GRM5: variants seen among roughly 807,000 people sequenced by gnomAD.
The protein encoded by GRM5 is glutamate metabotropic receptor 5.
A neutral mutation model predicts 83.1 loss-of-function variants in GRM5; 19 were observed. The observed-to-expected ratio is 0.23, with a 90% CI of 0.16 to 0.34. The LOEUF (loss-of-function observed/expected upper bound fraction) is 0.34. Ranked by LOEUF, GRM5 falls within the 10% of genes least tolerant of loss-of-function variation. The pLI is 1.00. For missense variants in GRM5, 1,160 were observed against 1,588.3 expected (o/e 0.73, Z 4.58); for synonymous variants, 675 against 633.6 (o/e 1.07, Z -0.98).
chr11:88,836,439 G>A (rs191719478), intron 3 of GRM5, among the ~76,000 whole-genome samples: 1,521 of 152,024 alleles, frequency 0.01, 30 homozygotes, highest in African/African-American at 0.035. Flanking sequence ...ATATAAATCT[G>A]TGTGTGTGTG....
intron 3 of GRM5, among the ~76,000 whole-genome samples, chr11:88,713,744 T>G (rs1163977393): frequency 6.6e-6 from 1 of 152,006 alleles, no homozygotes; most frequent in Non-Finnish European, 1.5e-5. Context: ...CATATACAGG[T>G]ACTCTCTGAT....
At chr11:89,025,698 G>T (rs184930186) in intron 2 of GRM5, among the ~76,000 whole-genome samples, 2 of 152,270 alleles carry the variant, frequency 1.3e-5, no homozygotes, top group African/African-American at 4.8e-5. Flanking sequence ...ATTTATGCTG[G>T]CAAGGTTGCA....
At position 88,845,423 on chromosome 11, in the gene GRM5, C is replaced by CTTTT. The variant is rs71046265; in HGVS notation, c.911+4479_911+4482dup. Among the ~76,000 whole-genome samples, 235 of 92,392 alleles carry CTTTT rather than the reference C, an allele frequency of 2.5e-3. 42 individuals are homozygous for CTTTT. Among genetic ancestry groups the CTTTT allele is most frequent in the East Asian group, 0.022 (64 of 2,858 alleles). 60.6% of individuals were successfully genotyped at this position (92,392 alleles called of 152,430 possible). ...AGGCTACAGTACAGTATAAACATAA[C>CTTTT]TTTTTTTTTTTTTTTTTTTTTTTTT... On this transcript the variant is annotated intron_variant, in intron 3 of 9. Coordinates refer to ENST00000305447, the MANE Select transcript of GRM5 (RefSeq NM_001143831.3).
Position 88,593,577 on chromosome 11 carries a change from C to T in GRM5, c.1564-2850G>A, listed in dbSNP as rs1302248371. ...CCTGTAATCCCAGCTACTCTGGAGG[C>T]CGAGACAGGAGAATCACCTGAACCC... On this transcript the variant is annotated intron_variant, in intron 6 of 9. Coordinates refer to ENST00000305447, the MANE Select transcript of GRM5 (RefSeq NM_001143831.3). Among the ~76,000 whole-genome samples, 4 of 151,326 alleles carry T rather than the reference C, an allele frequency of 2.6e-5. 1 individual carries two copies. The South Asian group carries it at 6.3e-4, about 24-fold the overall frequency.
intron 3 of GRM5, among the ~76,000 whole-genome samples, chr11:88,846,286 T>C (rs1221816815): frequency 6.6e-6 from 1 of 152,226 alleles, no homozygotes; most frequent in Non-Finnish European, 1.5e-5. Context: ...AACAAGACAG[T>C]GTATTCATTC....
chr11:88,676,097 A>T (rs192934465), intron 3 of GRM5, among the ~76,000 whole-genome samples: 1 of 152,056 alleles, frequency 6.6e-6, no homozygotes, highest in African/African-American at 2.4e-5. Flanking sequence ...TTTATCCTTT[A>T]GGGAAGTTAC....
intron 3 of GRM5, among the ~76,000 whole-genome samples, chr11:88,656,569 G>A (rs989107034): frequency 1.3e-5 from 2 of 152,024 alleles, no homozygotes. Context: ...CAAACTTACA[G>A]TATCTATTTA....
intron 3 of GRM5, among the ~76,000 whole-genome samples, chr11:88,803,772 T>G (rs1301304457): frequency 6.6e-6 from 1 of 152,142 alleles, no homozygotes; most frequent in African/African-American, 2.4e-5. Context: ...GAGAAAATTT[T>G]CGCAACCTAC....
intron 2 of GRM5, among the ~76,000 whole-genome samples, chr11:88,886,353 G>A (rs1333602855): frequency 6.6e-6 from 1 of 152,176 alleles, no homozygotes; most frequent in Non-Finnish European, 1.5e-5. Context: ...GAGATGGTGA[G>A]TAGAGGAGCA....
chr11:88,662,534 C>A (rs1207584496), intron 3 of GRM5, among the ~76,000 whole-genome samples: 1 of 152,034 alleles, frequency 6.6e-6, no homozygotes, highest in East Asian at 1.9e-4. Flanking sequence ...TAGATAAGTG[C>A]TTCTCTGGAA....
chr11:89,024,097 T>C (rs1565340210), intron 2 of GRM5, among the ~76,000 whole-genome samples: 3 of 151,850 alleles, frequency 2.0e-5, no homozygotes, highest in Non-Finnish European at 4.4e-5. Flanking sequence ...ACATCTATAA[T>C]CCCAGTTACT....
At chr11:88,633,021 A>G (rs1565163029) in intron 4 of GRM5, among the ~76,000 whole-genome samples, 1 of 152,166 alleles carries the variant, frequency 6.6e-6, no homozygotes, top group Non-Finnish European at 1.5e-5. Flanking sequence ...TTGAACAAGC[A>G]TGTTTTGAAT....
rs1292767904 is a variant in GRM5, at chr11:88,509,236, C to T, written c.2995G>A (p.Ala999Thr). 1.3e-6 allele frequency: 2 copies of T among 1,502,362 alleles called. No homozygotes were observed. The highest frequency in any genetic ancestry group is 1.5e-5 in the African/African-American group (1 of 68,498). The allele number at this position is 1,502,362 out of a possible 1,614,324, so 93.1% of individuals were successfully genotyped here. A position where few individuals can be genotyped will look rare whatever the true frequency, so the allele number is the denominator to read the frequency against. ...GPESPDAGPK[A>T]LYDVAEAEEH... Reference sequence around the variant, plus strand: ...TCAGCCTCGGCCACATCATACAGCGCCTTGGGGCCGGCGTCTGGGGACTCG... The same window carrying T: ...TCAGCCTCGGCCACATCATACAGCGTCTTGGGGCCGGCGTCTGGGGACTCG... Residue 999 changes from alanine to threonine, a missense_variant, in exon 10 of 10, where the codon GCG becomes ACG. Transcript: ENST00000305447.
chr11:88,966,040 T>C (rs1378080014), intron 2 of GRM5, among the ~76,000 whole-genome samples: 4 of 152,100 alleles, frequency 2.6e-5, no homozygotes, highest in Non-Finnish European at 5.9e-5. Flanking sequence ...GTAAAAATCA[T>C]ACAAAGTATA....
At chr11:88,819,352 A>T (rs937484641) in intron 3 of GRM5, among the ~76,000 whole-genome samples, 3 of 152,230 alleles carry the variant, frequency 2.0e-5, no homozygotes, top group Admixed American at 1.3e-4. Flanking sequence ...TGTGCAGTAG[A>T]TATGCTACTG....
At chr11:88,711,377 G>C (rs1941277325) in intron 3 of GRM5, among the ~76,000 whole-genome samples, 1 of 152,084 alleles carries the variant, frequency 6.6e-6, no homozygotes, top group Admixed American at 6.6e-5. Context: ...CAGCTCCCAA[G>C]GCACTAGCCA....
chr11:88,750,471 C>A (rs905760913), intron 3 of GRM5, among the ~76,000 whole-genome samples: 2 of 152,184 alleles, frequency 1.3e-5, no homozygotes, highest in African/African-American at 4.8e-5. Flanking sequence ...GAGACTTAGA[C>A]TCCCACATAA....
chr11:88,540,460 C>T (rs1045203892), intron 8 of GRM5, among the ~76,000 whole-genome samples: 2 of 151,948 alleles, frequency 1.3e-5, no homozygotes, highest in African/African-American at 4.8e-5. Context: ...TATATACATG[C>T]GAGGGGTGAA....
chr11:89,019,520 C>T (rs554852769), intron 2 of GRM5, among the ~76,000 whole-genome samples: 4 of 151,326 alleles, frequency 2.6e-5, no homozygotes, highest in South Asian at 2.1e-4. Flanking sequence ...TGTGATGAAA[C>T]CCCATCACTA....
Sources: allele counts gnomAD v4.1 joint callset (sites outside exome capture counted in the v4.1 genomes callset), GRCh38; gene constraint gnomAD v4.1.1; transcripts MANE v1.5; gene names NCBI Gene and HGNC (gene_info 2026-07-23, HGNC 2026-07-21).